Variants in LASP1 observed in about 807,000 individuals in gnomAD.
LASP1 encodes the protein LIM and SH3 protein 1.
In LASP1, 10 loss-of-function variants were observed where a neutral mutation model predicts 38.6. That is an observed-to-expected ratio of 0.26 (90% CI 0.16 to 0.44). LASP1 has a LOEUF of 0.44. Among genes scored for constraint, LASP1 ranks in the 20% least tolerant of loss-of-function variants. The pLI is 1.00. For missense variants in LASP1, 243 were observed against 375.7 expected (o/e 0.65, Z 2.92); for synonymous variants, 132 against 140.8 (o/e 0.94, Z 0.44).
chr17:38,897,372 G>T (rs1382762422), intron 3 of LASP1, among the ~76,000 whole-genome samples: 1 of 152,226 alleles, frequency 6.6e-6, no homozygotes, highest in African/African-American at 2.4e-5. Context: ...CTGGGTTTGT[G>T]TCCTGGGCTG....
At chr17:38,877,999 C>T in intron 1 of LASP1, 87 bp from the exon 2 acceptor site, 1 of 941,386 alleles carries the variant, frequency 1.1e-6, no homozygotes, top group Non-Finnish European at 1.7e-6. Flanking sequence ...ACAGTCCCAG[C>T]AGCTCCTGAG....
intron 3 of LASP1, among the ~76,000 whole-genome samples, chr17:38,896,511 C>A (rs1187509697): frequency 1.3e-5 from 2 of 152,236 alleles, no homozygotes; most frequent in Non-Finnish European, 2.9e-5. Flanking sequence ...TCCTGGGAAC[C>A]TGCTGATGTC....
At chr17:38,897,175 C>A in intron 3 of LASP1, 2 of 772,792 alleles carry the variant, frequency 2.6e-6, no homozygotes, top group Non-Finnish European at 3.1e-6. Flanking sequence ...TGGATCAGAA[C>A]AGAGAAGGAG....
At chr17:38,888,274 C>T (rs1914203849) in intron 2 of LASP1, among the ~76,000 whole-genome samples, 3 of 151,778 alleles carry the variant, frequency 2.0e-5, no homozygotes, top group African/African-American at 7.3e-5. Flanking sequence ...AGCTTCAATT[C>T]CTGGCGTGAC....
rs1031535452 is a variant in LASP1 at position 38,892,216 on chromosome 17, C to G, written c.249+1712C>G. Among the ~76,000 whole-genome samples the G allele has an allele frequency of 1.6e-4, 25 of 152,188 alleles. 1 individual carries two copies. Among genetic ancestry groups the G allele is most frequent in the Non-Finnish European group, 2.9e-4 (20 of 68,030 alleles). ...GTCTCTGTCTTACAGATAGGGGAAC[C>G]GAGTGAGTGAATGCGGATCCAGGAT... On this transcript the variant is annotated intron_variant, in intron 3 of 6. Transcript: ENST00000318008.
intron 2 of LASP1, among the ~76,000 whole-genome samples, chr17:38,885,167 G>T (rs756279952): frequency 6.6e-6 from 1 of 152,180 alleles, no homozygotes; most frequent in Non-Finnish European, 1.5e-5. Context: ...GGTGGCTGGG[G>T]TCCATCTGGC....
intron 4 of LASP1, among the ~76,000 whole-genome samples, chr17:38,901,200 A>C (rs563875053): frequency 6.6e-6 from 1 of 152,238 alleles, no homozygotes; most frequent in South Asian, 2.1e-4. Flanking sequence ...CCCTTTCTGG[A>C]AGGCTTCCAG....
intron 2 of LASP1, among the ~76,000 whole-genome samples, chr17:38,886,343 G>A (rs528147483): frequency 1.6e-4 from 25 of 152,294 alleles, no homozygotes; most frequent in African/African-American, 6.0e-4. Flanking sequence ...GACCCAGCAA[G>A]AGGAATATAG....
At chr17:38,872,346 A>C (rs1206648621) in intron 1 of LASP1, among the ~76,000 whole-genome samples, 1 of 152,128 alleles carries the variant, frequency 6.6e-6, no homozygotes, top group Non-Finnish European at 1.5e-5. Context: ...GGAGGGGAGC[A>C]GGGATGGGCA....
In LASP1 at chr17:38,892,551, GACACACACACACACACACAC is replaced by G. The variant is rs530593526; in HGVS notation, c.249+2068_249+2087del. Among the ~76,000 whole-genome samples, 210 of 143,838 alleles carry G rather than the reference GACACACACACACACACACAC, an allele frequency of 1.5e-3. 2 individuals are homozygous for G. The highest frequency in any genetic ancestry group is 9.2e-3 in the Admixed American group (133 of 14,524). 94.4% of individuals were successfully genotyped at this position (143,838 alleles called of 152,430 possible). On this transcript the variant is annotated intron_variant, in intron 3 of 6. Coordinates refer to ENST00000318008, the MANE Select transcript of LASP1 (RefSeq NM_006148.4). ...TGGGAGCAGATAGCAGGTCTTTGGA[GACACACACACACACACACAC>G]ACACACACACACACACACACCCTTC...
rs1246968473 is a variant in LASP1, at chr17:38,913,924, C to T, written c.358-401C>T. 3.3e-5 allele frequency among the ~76,000 whole-genome samples: 5 copies of T among 152,058 alleles called. No homozygotes were observed. The East Asian group carries it at 7.7e-4, about 24-fold the overall frequency. Reference sequence around the variant, plus strand: ...GGCTGAGGCAGGAGAATCACTTGAACCCTGGAGGTGGAGGTTGCGGTGAGC... The same window carrying T: ...GGCTGAGGCAGGAGAATCACTTGAATCCTGGAGGTGGAGGTTGCGGTGAGC... On this transcript the variant is annotated intron_variant, in intron 4 of 6. Transcript: ENST00000318008.
chr17:38,898,630 T>C (rs1316589537), intron 4 of LASP1, 111 bp downstream of exon 4: 6 of 821,966 alleles, frequency 7.3e-6, no homozygotes, highest in Middle Eastern at 2.2e-4. Flanking sequence ...GTGCCTCCAC[T>C]ACCCCTGCCC....
chr17:38,915,163 G>A lies in LASP1; in HGVS notation c.612+17G>A, dbSNP rs769517536. 1.7e-5 allele frequency: 28 copies of A among 1,605,576 alleles called. No homozygotes were observed. Among genetic ancestry groups the A allele is most frequent in the South Asian group, 6.6e-5 (6 of 90,906 alleles). On this transcript the variant is annotated intron_variant, in intron 6 of 6. Coordinates refer to ENST00000318008, the MANE Select transcript of LASP1 (RefSeq NM_006148.4). ...GGTGGCGGGGTGAGTAACCCTGGCC[G>A]GAGGGGAGAGGCCAGAGGCAGGGGG... is the stretch of plus-strand genomic sequence containing the variant.
Position 38,870,185 on chromosome 17 carries a change from G to A in LASP1, c.-5G>A, listed in dbSNP as rs1387081223. The stretch of plus-strand genomic sequence containing the variant: ...GGCGTCCCCGCCCCAGCTTTTCTCG[G>A]AACCATGAACCCCAACTGCGCCCGG... On this transcript the variant is annotated 5_prime_UTR_variant, in exon 1 of 7. Coordinates refer to ENST00000318008, the MANE Select transcript of LASP1 (RefSeq NM_006148.4). 6.2e-7 allele frequency: 1 copy of A among 1,613,658 alleles called. No homozygotes were observed. The highest frequency in any genetic ancestry group is 2.2e-5 in the East Asian group (1 of 44,870).
At chr17:38,884,626 G>T (rs907960648) in intron 2 of LASP1, among the ~76,000 whole-genome samples, 3 of 149,514 alleles carry the variant, frequency 2.0e-5, no homozygotes, top group African/African-American at 7.4e-5. Context: ...CTGACCTCAA[G>T]TGATCCGCCC....
chr17:38,921,546 C>G lies in LASP1; in HGVS notation c.*2768C>G. ...CACGTGAAATTTGCCTCTGTCCAAA[C>G]ATTTCATCCGTGTGTATGTGTATGT... On this transcript the variant is annotated 3_prime_UTR_variant, in exon 7 of 7. Transcript: ENST00000318008. 1 of 233,090 alleles carries G rather than the reference C, an allele frequency of 4.3e-6. No individual in the cohort carries two copies. The highest frequency in any genetic ancestry group is 8.5e-6 in the Non-Finnish European group (1 of 117,742). The allele number at this position is 233,090 out of a possible 1,614,324, so 14.4% of individuals were successfully genotyped here. A position where few individuals can be genotyped will look rare whatever the true frequency, so the allele number is the denominator to read the frequency against.
At chr17:38,889,912 A>G (rs1482983073) in intron 2 of LASP1, among the ~76,000 whole-genome samples, 1 of 151,912 alleles carries the variant, frequency 6.6e-6, no homozygotes, top group Non-Finnish European at 1.5e-5. Flanking sequence ...TTTCTCTCTC[A>G]CCACTTCCTC....
intron 4 of LASP1, among the ~76,000 whole-genome samples, chr17:38,900,540 G>A (rs1198293350): frequency 6.6e-6 from 1 of 152,146 alleles, no homozygotes; most frequent in African/African-American, 2.4e-5. Flanking sequence ...GGGCGTGGTG[G>A]CGTGTGCCTG....
At chr17:38,870,705 C>G (rs1291849076) in intron 1 of LASP1, among the ~76,000 whole-genome samples, 1 of 152,068 alleles carries the variant, frequency 6.6e-6, no homozygotes, top group Non-Finnish European at 1.5e-5. Flanking sequence ...GGCTGGGGGG[C>G]CCTGCAAAAC....
Sources: allele counts gnomAD v4.1 joint callset (sites outside exome capture counted in the v4.1 genomes callset), GRCh38; gene constraint gnomAD v4.1.1; transcripts MANE v1.5; gene names NCBI Gene and HGNC (gene_info 2026-07-23, HGNC 2026-07-21).